Variants in SLC16A10 observed in about 807,000 individuals in gnomAD.
SLC16A10 encodes monocarboxylate transporter 10.
A neutral mutation model predicts 40.0 loss-of-function variants in SLC16A10; 27 were observed. The ratio of observed to expected loss-of-function variants is 0.67; its 90% confidence interval spans 0.50 to 0.93. SLC16A10 has a LOEUF of 0.93. Among genes scored for constraint, SLC16A10 ranks in the 40% least tolerant of loss-of-function variants. SLC16A10 has a pLI of 0.00. For synonymous variants in SLC16A10, 213 were observed against 249.8 expected (o/e 0.85, Z 1.39); for missense variants, 529 against 658.2 (o/e 0.80, Z 2.15).
chr6:111,147,343 T>A (rs1310919508), intron 1 of SLC16A10, among the ~76,000 whole-genome samples: 2 of 152,216 alleles, frequency 1.3e-5, no homozygotes, highest in Non-Finnish European at 2.9e-5. Context: ...TATTAAATAG[T>A]TTAATAAAAG....
chr6:111,135,672 A>G (rs1420882290), intron 1 of SLC16A10, among the ~76,000 whole-genome samples: 2 of 152,198 alleles, frequency 1.3e-5, no homozygotes, highest in Non-Finnish European at 2.9e-5. Context: ...TTTTACCCCA[A>G]GGATTCAGGG....
chr6:111,204,959 A>G (rs1389024503), intron 3 of SLC16A10, among the ~76,000 whole-genome samples: 1 of 152,120 alleles, frequency 6.6e-6, no homozygotes, highest in Non-Finnish European at 1.5e-5. Context: ...CTTATAAGTC[A>G]GATGAATTTT....
intron 1 of SLC16A10, among the ~76,000 whole-genome samples, chr6:111,165,238 T>C (rs2114532791): frequency 6.6e-6 from 1 of 152,310 alleles, no homozygotes; most frequent in South Asian, 2.1e-4. Context: ...CTTTTAATTC[T>C]TTGGGTTTCA....
At position 111,172,788 on chromosome 6, in the gene SLC16A10, T is replaced by C. The variant is rs1772610217; in HGVS notation, c.437T>C (p.Val146Ala). 5.0e-6 allele frequency: 8 copies of C among 1,614,186 alleles called. No individual in the cohort carries two copies. Among genetic ancestry groups the C allele is most frequent in the Non-Finnish European group, 6.8e-6 (8 of 1,180,022 alleles). The change falls in exon 2 of 6, where the codon GTC becomes GCC. Residue 146 changes from valine to alanine, a missense_variant. Physicochemically the swap from Val to Ala is moderately conservative, Grantham distance 64 (BLOSUM62 0). Coordinates refer to ENST00000368851, the MANE Select transcript of SLC16A10 (RefSeq NM_018593.5). ...TDLFGCRKTA[V>A]VGAAVGFVGL... ...CTATTTGGTTGTCGGAAAACAGCTG[T>C]CGTGGGTGCTGCTGTTGGATTTGTT... is the stretch of plus-strand genomic sequence containing the variant.
intron 2 of SLC16A10, among the ~76,000 whole-genome samples, chr6:111,174,054 G>C (rs1772634493): frequency 6.6e-6 from 1 of 152,148 alleles, no homozygotes; most frequent in Non-Finnish European, 1.5e-5. Context: ...TCTCCCTGCA[G>C]CTCTAGTTCT....
chr6:111,161,399 A>T (rs1772369374), intron 1 of SLC16A10, among the ~76,000 whole-genome samples: 1 of 151,876 alleles, frequency 6.6e-6, no homozygotes, highest in Non-Finnish European at 1.5e-5. Flanking sequence ...GTCAGGTTTC[A>T]CCAGGGACCC....
chr6:111,208,549 G>A (rs1375531316), intron 4 of SLC16A10, among the ~76,000 whole-genome samples: 1 of 151,956 alleles, frequency 6.6e-6, no homozygotes, highest in East Asian at 1.9e-4. Flanking sequence ...CTGCACTCCA[G>A]CCTGGGTGAC....
At position 111,224,777 on chromosome 6, in the gene SLC16A10, C is replaced by T. The variant is rs1361950094; in HGVS notation, c.*2542C>T. 1 of 152,106 alleles carries T rather than the reference C, an allele frequency of 6.6e-6. No individual in the cohort carries two copies. The highest frequency in any genetic ancestry group is 1.5e-5 in the Non-Finnish European group (1 of 68,020). 9.4% of individuals were successfully genotyped at this position (152,106 alleles called of 1,614,324 possible). A position where few individuals can be genotyped will look rare whatever the true frequency, so the allele number is the denominator to read the frequency against. ...ATAAAAATTTGTGCTTTAATCTAGT[C>T]AAACTAAATCCTTTCTAATTTCTGA... On this transcript the variant is annotated 3_prime_UTR_variant, in exon 6 of 6. Coordinates refer to ENST00000368851, the MANE Select transcript of SLC16A10 (RefSeq NM_018593.5).
At chr6:111,131,588 T>A (rs1002117125) in intron 1 of SLC16A10, among the ~76,000 whole-genome samples, 6 of 152,286 alleles carry the variant, frequency 3.9e-5, no homozygotes, top group African/African-American at 1.4e-4. Flanking sequence ...CGGGCACCTG[T>A]CAGCTGGTTA....
intron 3 of SLC16A10, among the ~76,000 whole-genome samples, chr6:111,182,763 T>C (rs2114554975): frequency 6.6e-6 from 1 of 152,228 alleles, no homozygotes; most frequent in East Asian, 1.9e-4. Flanking sequence ...AGCTGGCAAT[T>C]CCGCCCTTTC....
intron 1 of SLC16A10, among the ~76,000 whole-genome samples, chr6:111,118,122 A>G (rs1341266171): frequency 6.6e-6 from 1 of 152,246 alleles, no homozygotes; most frequent in African/African-American, 2.4e-5. Context: ...AAGAATGCAC[A>G]ACATAATTTA....
intron 1 of SLC16A10, among the ~76,000 whole-genome samples, chr6:111,137,650 A>G (rs1369293952): frequency 1.3e-5 from 2 of 152,234 alleles, no homozygotes; most frequent in Non-Finnish European, 2.9e-5. Context: ...TCTCAAGTGC[A>G]TGACCCTTAG....
At chr6:111,100,556 T>A (rs144420180) in intron 1 of SLC16A10, among the ~76,000 whole-genome samples, 2,007 of 152,158 alleles carry the variant, frequency 0.013, 49 homozygotes, top group African/African-American at 0.046. Context: ...CCCCAGCTAA[T>A]TTTTGTATTT....
Position 111,222,337 on chromosome 6 carries a change from C to G in SLC16A10, c.*102C>G, listed in dbSNP as rs547351690. ...AAATTTCATATTTTTTTAATCACAT[C>G]CTAGGAATAGCACAATAATTGGGAA... On this transcript the variant is annotated 3_prime_UTR_variant, in exon 6 of 6. Coordinates refer to ENST00000368851, the MANE Select transcript of SLC16A10 (RefSeq NM_018593.5). 2.9e-6 allele frequency: 4 copies of G among 1,402,394 alleles called. No homozygotes were observed. The South Asian group carries it at 5.9e-5, about 21-fold the overall frequency. The allele number at this position is 1,402,394 out of a possible 1,614,324, so 86.9% of individuals were successfully genotyped here. A position where few individuals can be genotyped will look rare whatever the true frequency, so the allele number is the denominator to read the frequency against.
chr6:111,122,766 A>C (rs1583314649), intron 1 of SLC16A10, among the ~76,000 whole-genome samples: 1 of 152,264 alleles, frequency 6.6e-6, no homozygotes, highest in South Asian at 2.1e-4. Flanking sequence ...GACGATGAGA[A>C]GCGACCTCCT....
chr6:111,152,378 TATAG>T (rs1772187633), intron 1 of SLC16A10, among the ~76,000 whole-genome samples: 1 of 152,238 alleles, frequency 6.6e-6, no homozygotes, highest in South Asian at 2.1e-4. Flanking sequence ...TGCTGGCACA[TATAG>T]ATACTCACAA....
At chr6:111,140,786 T>A (rs1771968194) in intron 1 of SLC16A10, among the ~76,000 whole-genome samples, 1 of 152,088 alleles carries the variant, frequency 6.6e-6, no homozygotes, top group Non-Finnish European at 1.5e-5. Context: ...TAATTAATTA[T>A]TTTATTTTAT....
At chr6:111,103,142 G>A (rs1309020495) in intron 1 of SLC16A10, among the ~76,000 whole-genome samples, 2 of 151,954 alleles carry the variant, frequency 1.3e-5, no homozygotes, top group East Asian at 1.9e-4. Context: ...CTGGACTCAA[G>A]GGATCTGCCT....
chr6:111,124,356 A>ATT (rs541492469), intron 1 of SLC16A10, among the ~76,000 whole-genome samples: 20 of 142,450 alleles, frequency 1.4e-4, no homozygotes, highest in Non-Finnish European at 2.1e-4. Context: ...CAATAGAGTG[A>ATT]TTTTTTTTTT....
Sources: allele counts gnomAD v4.1 joint callset (sites outside exome capture counted in the v4.1 genomes callset), GRCh38; gene constraint gnomAD v4.1.1; transcripts MANE v1.5; gene names NCBI Gene and HGNC (gene_info 2026-07-23, HGNC 2026-07-21).